Variants in SGSM3 observed in about 807,000 individuals in gnomAD.
SGSM3 encodes RUN and SH3 containing 3.
Under a neutral mutation model 100.5 loss-of-function variants are expected in SGSM3, and 96 were observed. That is an observed-to-expected ratio of 0.96 (90% CI 0.81 to 1.13). The LOEUF is 1.13. SGSM3 is among the 50% of genes most tolerant of loss of function. The pLI is 0.00. For synonymous variants in SGSM3, 483 were observed against 422.8 expected (o/e 1.14, Z -1.75); for missense variants, 1,001 against 1,015.8 (o/e 0.99, Z 0.20).
intron 1 of SGSM3, chr22:40,372,787 GT>G (rs2045845590): frequency 6.6e-6 from 1 of 152,186 alleles, no homozygotes; most frequent in Non-Finnish European, 1.5e-5. Flanking sequence ...TGTGTTTTCA[GT>G]TTTTCTCTTC....
intron 1 of SGSM3, among the ~76,000 whole-genome samples, chr22:40,392,154 C>T (rs1019095955): frequency 2.6e-5 from 4 of 151,806 alleles, no homozygotes; most frequent in Admixed American, 6.6e-5. Context: ...GATTTTATTT[C>T]GCCTTAAAAA....
chr22:40,404,815 A>T (rs1310859560), intron 6 of SGSM3, 151 bp downstream of exon 6: 1 of 674,516 alleles, frequency 1.5e-6, no homozygotes, highest in African/African-American at 1.8e-5. Flanking sequence ...CCAAAGAAAG[A>T]ATTGTCCAAA....
At chr22:40,405,581 G>A (rs1030518632) in intron 7 of SGSM3, 68 bp from the exon 8 acceptor site, 119 of 1,451,404 alleles carry the variant, frequency 8.2e-5, no homozygotes, top group Non-Finnish European at 1.0e-4. Flanking sequence ...TCTCCCTAGG[G>A]TAGGGGCACC....
intron 1 of SGSM3, among the ~76,000 whole-genome samples, chr22:40,377,188 A>G (rs1020746787): frequency 6.6e-6 from 1 of 152,254 alleles, no homozygotes. Context: ...AGAACAGTTC[A>G]TCCCTGACCA....
rs372659576 is a variant in SGSM3 at position 40,408,709 on chromosome 22, C to A, written c.1853+12C>A. On this transcript the variant is annotated intron_variant, in intron 17 of 21. Coordinates refer to ENST00000248929, the MANE Select transcript of SGSM3 (RefSeq NM_015705.6). ...TGTAAGACCTTCAGGTAACTCGGCC[C>A]GGGTTCTTCTGGTGGGGTCACCAGC... 2 of 1,613,980 alleles carry A rather than the reference C, an allele frequency of 1.2e-6. No homozygotes were observed. Among genetic ancestry groups the A allele is most frequent in the Non-Finnish European group, 1.7e-6 (2 of 1,180,034 alleles).
chr22:40,409,211 G>A, intron 19 of SGSM3, 39 bp from the exon 20 acceptor site: 2 of 1,570,370 alleles, frequency 1.3e-6, no homozygotes, highest in Non-Finnish European at 1.7e-6. Context: ...AGAAGGGCCT[G>A]GAGCTGCCCC....
In SGSM3 at chr22:40,409,903, G is replaced by A; in HGVS notation, c.*144G>A. On this transcript the variant is annotated 3_prime_UTR_variant, in exon 22 of 22. Transcript: ENST00000248929. ...AGGCTGCCCCACTCCACGTTCCCCA[G>A]CACATCCCAGGTGGTGGGAGCAGAG... 1 of 1,419,712 alleles carries A rather than the reference G, an allele frequency of 7.0e-7. No individual in the cohort carries two copies. Among genetic ancestry groups the A allele is most frequent in the Non-Finnish European group, 9.2e-7 (1 of 1,092,832 alleles). 87.9% of individuals were successfully genotyped at this position (1,419,712 alleles called of 1,614,324 possible).
chr22:40,398,485 C>T (rs2050331130), intron 1 of SGSM3, among the ~76,000 whole-genome samples: 1 of 141,392 alleles, frequency 7.1e-6, no homozygotes, highest in South Asian at 2.2e-4. Flanking sequence ...TTCTCTGCTA[C>T]AAGCAGCCTG....
At chr22:40,373,511 G>A (rs576520319) in intron 1 of SGSM3, 1 of 152,296 alleles carries the variant, frequency 6.6e-6, no homozygotes, top group East Asian at 1.9e-4. Context: ...TATAAAGACG[G>A]CTAAGACATG....
rs2050634542 is a variant in SGSM3, at chr22:40,400,676, CCTCTTTT to C, written c.-111-14_-111-8del. On this transcript the variant is annotated splice_polypyrimidine_tract_variant and intron_variant, in intron 1 of 21. Coordinates refer to ENST00000248929, the MANE Select transcript of SGSM3 (RefSeq NM_015705.6). ...ATAAAAATAAAAATAGAATGACTTT[CCTCTTTT>C]CTCTTCTAACAGGGCAGATGATTCT... 3 of 890,718 alleles carry C rather than the reference CCTCTTTT, an allele frequency of 3.4e-6. No homozygotes were observed. Among genetic ancestry groups the C allele is most frequent in the African/African-American group, 1.7e-5 (1 of 57,900 alleles). The allele number at this position is 890,718 out of a possible 1,614,324, so 55.2% of individuals were successfully genotyped here. A position where few individuals can be genotyped will look rare whatever the true frequency, so the allele number is the denominator to read the frequency against.
At chr22:40,387,438 A>G (rs897935545) in intron 1 of SGSM3, 3 of 372,248 alleles carry the variant, frequency 8.1e-6, no homozygotes, top group African/African-American at 6.2e-5. Context: ...TAGTTTAATT[A>G]TATGAAAAAT....
chr22:40,387,879 G>A (rs1048665667), intron 1 of SGSM3, among the ~76,000 whole-genome samples: 3 of 152,198 alleles, frequency 2.0e-5, no homozygotes, highest in Non-Finnish European at 2.9e-5. Context: ...GCAAGTCCGC[G>A]TAGGGCAGCT....
rs771780174 is a variant in SGSM3, at chr22:40,407,792, G to C, written c.1528G>C (p.Val510Leu). The C allele has an allele frequency of 3.7e-6, 6 of 1,613,936 alleles. No individual in the cohort carries two copies. In the South Asian group the frequency reaches 4.4e-5, roughly 12 times the overall value. The change falls in exon 14 of 22, where the codon GTG becomes CTG. Residue 510 changes from valine (V) to leucine (L), a missense_variant. By Grantham distance (32) the Val-to-Leu change is conservative. Transcript: ENST00000248929. This position sits in a 1 kb window ranked among gnomAD's most constrained non-coding sequence, Gnocchi z 4.7. ...GFRKNDIITI[V>L]SQKDEHCWVG... ...TGCTGTTTTTCCTCCTGTGCAGATC[G>C]TGTCTCAGAAGGACGAGCACTGCTG...
chr22:40,406,748 A>G (rs2146996214), intron 10 of SGSM3, 86 bp downstream of exon 10: 2 of 1,178,194 alleles, frequency 1.7e-6, no homozygotes, highest in South Asian at 2.6e-5. Context: ...GGGGCTGCGG[A>G]AAACAAACCA....
chr22:40,405,695 G>A lies in SGSM3; in HGVS notation c.665G>A (p.Trp222Ter), dbSNP rs1455656244. 1 of 1,613,568 alleles carries A rather than the reference G, an allele frequency of 6.2e-7. No individual in the cohort carries two copies. The highest frequency in any genetic ancestry group is 2.2e-5 in the East Asian group (1 of 44,880). The change falls in exon 8 of 22, where the codon TGG (tryptophan) becomes TAG (stop). Residue 222 changes from tryptophan to a stop codon, truncating the protein, a stop_gained. Transcript: ENST00000248929. LOFTEE classifies it high-confidence loss of function. ...LLFLEEEDAF[W>*]MMSAIIEDLL... ...TTCCTGGAGGAGGAGGACGCCTTCT[G>A]GATGATGTCTGCCATCATCGAGGAC...
At chr22:40,390,869 C>T (rs983381109) in intron 1 of SGSM3, among the ~76,000 whole-genome samples, 6 of 152,130 alleles carry the variant, frequency 3.9e-5, no homozygotes, top group Non-Finnish European at 8.8e-5. Flanking sequence ...AGGAAAAGAG[C>T]GTGTTGTACA....
chr22:40,409,857 G>A lies in SGSM3; in HGVS notation c.*98G>A. The A allele has an allele frequency of 1.3e-6, 2 of 1,491,358 alleles. No homozygotes were observed. The highest frequency in any genetic ancestry group is 2.7e-5 in the South Asian group (2 of 74,408). 92.4% of individuals were successfully genotyped at this position (1,491,358 alleles called of 1,614,324 possible). On this transcript the variant is annotated 3_prime_UTR_variant, in exon 22 of 22. Transcript: ENST00000248929. ...AAGAGCAGCTCCAGAGCCCTGGCCG[G>A]GGCCGCGGGATATCAATATCAGGCT...
At chr22:40,408,244 G>C (rs199551295) in intron 15 of SGSM3, 33 bp from the exon 16 acceptor site, 1 of 1,611,154 alleles carries the variant, frequency 6.2e-7, no homozygotes, top group African/African-American at 1.3e-5. Flanking sequence ...CAGGCGTCAG[G>C]CAGGGCTTTC....
intron 17 of SGSM3, 44 bp from the exon 18 acceptor site, chr22:40,408,750 C>T: frequency 3.1e-6 from 5 of 1,613,828 alleles, no homozygotes; most frequent in Non-Finnish European, 4.2e-6. Context: ...GAGGGCGGGG[C>T]CTGACCCAGC....
Sources: gnomAD v4.1 joint callset for allele counts (sites outside exome capture counted in the v4.1 genomes callset) on GRCh38, gnomAD v4.1.1 for gene constraint, Gnocchi (gnomAD v3.1) non-coding constraint, MANE v1.5 for transcripts, NCBI Gene and HGNC (gene_info 2026-07-23, HGNC 2026-07-21) for gene names.